The following ATP8A2 variants were observed in gnomAD, a reference collection of about 807,000 sequenced individuals.
ATP8A2 encodes the protein ATPase phospholipid transporting 8A2, also known as phospholipid-transporting ATPase IB.
In ATP8A2, 100 loss-of-function variants were observed where a neutral mutation model predicts 165.6. The observed-to-expected ratio is 0.60, with a 90% CI of 0.51 to 0.71. The LOEUF is 0.71. Among genes scored for constraint, ATP8A2 ranks in the 30% least tolerant of loss-of-function variants. ATP8A2 has a pLI of 0.00. For synonymous variants in ATP8A2, 543 were observed against 548.8 expected, an observed-to-expected ratio of 0.99 and a Z score of 0.15; for missense variants, 1,227 against 1,479.5, an observed-to-expected ratio of 0.83 and a Z score of 2.80.
At chr13:25,770,962 C>G (rs1466874560) in intron 26 of ATP8A2, among the ~76,000 whole-genome samples, 1 of 152,180 alleles carries the variant, frequency 6.6e-6, no homozygotes, top group Non-Finnish European at 1.5e-5. Flanking sequence ...CAGGCCAGTC[C>G]TTTGCAGTTC....
At chr13:25,780,537 G>A (rs917653140) in intron 27 of ATP8A2, among the ~76,000 whole-genome samples, 10 of 152,156 alleles carry the variant, frequency 6.6e-5, no homozygotes, top group African/African-American at 2.4e-4. Context: ...GCAGAATTTA[G>A]TTGACAGCTG....
chr13:25,474,504 G>C (rs2035937964), intron 2 of ATP8A2, among the ~76,000 whole-genome samples: 1 of 151,342 alleles, frequency 6.6e-6, no homozygotes, highest in Non-Finnish European at 1.5e-5. Flanking sequence ...AGAGCTTGCA[G>C]TGAGCAGAGA....
chr13:25,648,928 T>G, intron 24 of ATP8A2: 1 of 438,756 alleles, frequency 2.3e-6, no homozygotes, highest in Non-Finnish European at 4.6e-6. Flanking sequence ...CTGACTATTA[T>G]GACTGTATTC....
At position 25,699,233 on chromosome 13, in the gene ATP8A2, A is replaced by G. The variant is rs769346371; in HGVS notation, c.2272A>G (p.Asn758Asp). ...TDLGNLLGKE[N>D]DVALIIDGHT... is the part of the protein sequence containing the mutation. Reference sequence around the variant, plus strand: ...CCTTGGGAATTTGCTGGGCAAGGAAAATGACGTGGCCCTGATCATCGATGG... The same window carrying G: ...CCTTGGGAATTTGCTGGGCAAGGAAGATGACGTGGCCCTGATCATCGATGG... The change falls in exon 25 of 37, where the codon AAT (asparagine) becomes GAT (aspartate). Residue 758 changes from asparagine to aspartate, a missense_variant. Asn to Asp is a conservative substitution (Grantham distance 23, BLOSUM62 1). This residue lies in a region of ATP8A2 where 592 missense variants were observed against 785.6 expected (regional missense o/e 0.75). Coordinates refer to ENST00000381655, the MANE Select transcript of ATP8A2 (RefSeq NM_016529.6). 12 of 1,613,312 alleles carry G rather than the reference A, an allele frequency of 7.4e-6. No individual in the cohort carries two copies. The African/African-American group carries it at 9.3e-5, about 13-fold the overall frequency.
rs577119397 is a variant in ATP8A2, at chr13:25,666,663, C to CT, written c.2212-32502dup. On this transcript the variant is annotated intron_variant, in intron 24 of 36. Transcript: ENST00000381655. ...AATGTGGGTATTTTTGGTGTTTTTC[C>CT]TTTTTTTTGTTACATATGTTAAACT... 2.9e-3 allele frequency among the ~76,000 whole-genome samples: 441 copies of CT among 151,798 alleles called. 5 individuals are homozygous for CT. The highest frequency in any genetic ancestry group is 0.01 in the African/African-American group (425 of 41,390).
intron 24 of ATP8A2, among the ~76,000 whole-genome samples, chr13:25,651,935 G>T (rs1169332463): frequency 2.0e-5 from 3 of 151,902 alleles, no homozygotes; most frequent in East Asian, 1.9e-4. Flanking sequence ...CCTTTATTTA[G>T]AAATGAAAGA....
intron 1 of ATP8A2, among the ~76,000 whole-genome samples, chr13:25,394,012 A>G (rs1260110386): frequency 6.6e-6 from 1 of 152,230 alleles, no homozygotes; most frequent in Non-Finnish European, 1.5e-5. Flanking sequence ...AGGAACTGCA[A>G]ACTGCCTAGC....
intron 1 of ATP8A2, among the ~76,000 whole-genome samples, chr13:25,459,611 A>G (rs2035453518): frequency 6.6e-6 from 1 of 152,222 alleles, no homozygotes; most frequent in Admixed American, 6.5e-5. Flanking sequence ...GGAATGCTGT[A>G]GCTAGGGCGT....
intron 33 of ATP8A2, among the ~76,000 whole-genome samples, chr13:25,901,151 C>T (rs2138949575): frequency 6.6e-6 from 1 of 152,192 alleles, no homozygotes; most frequent in South Asian, 2.1e-4. Flanking sequence ...CTAAGGGAGG[C>T]CTAAAATGCG....
At chr13:25,584,346 C>G (rs190035351) in intron 23 of ATP8A2, among the ~76,000 whole-genome samples, 30 of 152,292 alleles carry the variant, frequency 2.0e-4, no homozygotes, top group Admixed American at 1.3e-3. Flanking sequence ...AGCCTGTTTT[C>G]TAGTCATATA....
intron 1 of ATP8A2, among the ~76,000 whole-genome samples, chr13:25,444,305 G>C (rs917597133): frequency 2.6e-5 from 4 of 152,178 alleles, no homozygotes; most frequent in Non-Finnish European, 5.9e-5. Flanking sequence ...CCTGCTGATG[G>C]ATATGTAGGT....
chr13:25,397,156 C>T (rs376991518), intron 1 of ATP8A2, among the ~76,000 whole-genome samples: 30 of 152,292 alleles, frequency 2.0e-4, no homozygotes, highest in South Asian at 1.5e-3. Flanking sequence ...CTCAGGTTGT[C>T]GCATTCCCAG....
chr13:25,403,465 T>G (rs2033703246), intron 1 of ATP8A2, among the ~76,000 whole-genome samples: 1 of 152,228 alleles, frequency 6.6e-6, no homozygotes, highest in Non-Finnish European at 1.5e-5. Context: ...AGCAATGTAC[T>G]GTGCTAGAGA....
At chr13:25,562,182 T>C (rs60738072) in intron 15 of ATP8A2, among the ~76,000 whole-genome samples, 70,948 of 151,992 alleles carry the variant, frequency 0.47, 18,057 homozygotes, top group Non-Finnish European at 0.59. Context: ...GTTTGACTTT[T>C]TGAGGAAAAA....
At chr13:25,945,063 T>A (rs1566291804) in intron 33 of ATP8A2, among the ~76,000 whole-genome samples, 1 of 152,102 alleles carries the variant, frequency 6.6e-6, no homozygotes, top group Non-Finnish European at 1.5e-5. Context: ...CTGAGGCCAG[T>A]GTGTCATTGA....
intron 33 of ATP8A2, among the ~76,000 whole-genome samples, chr13:25,945,268 C>A (rs1163164539): frequency 6.7e-6 from 1 of 148,364 alleles, no homozygotes; most frequent in Admixed American, 6.8e-5. Flanking sequence ...GCACCTCATT[C>A]TGTCAAATGC....
At position 25,372,221 on chromosome 13, in the gene ATP8A2, C is replaced by T. The variant is rs1386612579; in HGVS notation, c.9C>T (p.Asn3=). The stretch of plus-strand genomic sequence containing the variant: ...CCCCCGACACGGGCGAGATGCTGAA[C>T]GGCGCAGGCCTGGACAAAGCTCTTA... ML[N]GAGLDKALKM... Residue 3 remains asparagine (N), a synonymous_variant, in exon 1 of 37, where the codon AAC becomes AAT. Transcript: ENST00000381655. The surrounding 1 kb of genome is among the most constrained non-coding windows in gnomAD (Gnocchi z 4.8). 1.4e-6 allele frequency: 2 copies of T among 1,442,440 alleles called. No homozygotes were observed. The highest frequency in any genetic ancestry group is 1.5e-5 in the African/African-American group (1 of 67,684). 89.4% of individuals were successfully genotyped at this position (1,442,440 alleles called of 1,614,324 possible).
At chr13:25,760,247 C>A (rs1681547577) in intron 25 of ATP8A2, among the ~76,000 whole-genome samples, 1 of 152,136 alleles carries the variant, frequency 6.6e-6, no homozygotes, top group Non-Finnish European at 1.5e-5. Context: ...TCAAAGAAGA[C>A]AATGCTCATA....
intron 33 of ATP8A2, among the ~76,000 whole-genome samples, chr13:25,882,934 GATGA>G (rs1566233955): frequency 2.0e-5 from 3 of 151,564 alleles, no homozygotes; most frequent in Non-Finnish European, 4.4e-5. Flanking sequence ...TGATGATGAT[GATGA>G]TGGTGATGGT....
Sources: allele counts gnomAD v4.1 joint callset (sites outside exome capture counted in the v4.1 genomes callset), GRCh38; gene constraint gnomAD v4.1.1; regional missense constraint gnomAD v4.1.1; non-coding constraint Gnocchi (gnomAD v3.1); transcripts MANE v1.5; gene names NCBI Gene and HGNC (gene_info 2026-07-23, HGNC 2026-07-21).